The following COL17A1 variants were observed in gnomAD, a reference collection of about 807,000 sequenced individuals.
COL17A1 encodes the protein collagen alpha-1(XVII) chain.
Under a neutral mutation model 218.4 loss-of-function variants are expected in COL17A1, and 181 were observed. The observed-to-expected ratio is 0.83, with a 90% CI of 0.73 to 0.94. The LOEUF (loss-of-function observed/expected upper bound fraction) is 0.94. Among genes scored for constraint, COL17A1 ranks in the 40% least tolerant of loss-of-function variants. The pLI, the probability that COL17A1 is intolerant of heterozygous loss-of-function variation, is 0.00. For missense variants in COL17A1, 1,924 were observed against 1,945.9 expected, an observed-to-expected ratio of 0.99 and a Z score of 0.21; for synonymous variants, 721 against 731.0, an observed-to-expected ratio of 0.99 and a Z score of 0.22.
intron 26 of COL17A1, 35 bp from the exon 27 acceptor site, chr10:104,050,691 C>A: frequency 6.2e-7 from 1 of 1,614,110 alleles, no homozygotes; most frequent in East Asian, 2.2e-5. Context: ...TGTAAAATGC[C>A]CTACAAGGGA....
In COL17A1 at chr10:104,037,029, C is replaced by G. The variant is rs752971345; in HGVS notation, c.3277+16G>C. On this transcript the variant is annotated intron_variant, in intron 47 of 55. Transcript: ENST00000648076. Reference sequence around the variant, plus strand: ...CAAAGATAGTCCCACCCTCGATCCCCCCACAGGTGACTCACGCTGCAGCAC... The same window carrying G: ...CAAAGATAGTCCCACCCTCGATCCCGCCACAGGTGACTCACGCTGCAGCAC... 1 of 1,598,630 alleles carries G rather than the reference C, an allele frequency of 6.3e-7. No individual in the cohort carries two copies. The highest frequency in any genetic ancestry group is 8.5e-7 in the Non-Finnish European group (1 of 1,173,108).
chr10:104,055,412 A>T lies in COL17A1; in HGVS notation c.1688-11T>A. The T allele has an allele frequency of 6.2e-7, 1 of 1,612,670 alleles. No individual in the cohort carries two copies. The highest frequency in any genetic ancestry group is 8.5e-7 in the Non-Finnish European group (1 of 1,179,806). ...TTCCTCGGAGATTTCCTGCAAGAAA[A>T]AGCAAATCCTGAGTCAGCTTCACAT... On this transcript the variant is annotated splice_polypyrimidine_tract_variant and intron_variant, in intron 18 of 55. Transcript: ENST00000648076.
At chr10:104,039,924 C>T (rs989704255) in intron 41 of COL17A1, 49 bp downstream of exon 41, 12 of 1,612,848 alleles carry the variant, frequency 7.4e-6, no homozygotes, top group Non-Finnish European at 1.0e-5. Flanking sequence ...TGAGCTTTTG[C>T]CATCCCCACC....
intron 43 of COL17A1, 40 bp from the exon 44 acceptor site, chr10:104,039,161 G>A (rs1180232396): frequency 6.2e-7 from 1 of 1,607,488 alleles, no homozygotes; most frequent in South Asian, 1.1e-5. Flanking sequence ...CCTCCTCCAG[G>A]AAGCCTTCCC....
Position 104,040,388 on chromosome 10 carries a change from T to G in COL17A1, c.2724A>C (p.Pro908=). The G allele has an allele frequency of 6.2e-7, 1 of 1,611,546 alleles. No homozygotes were observed. Among genetic ancestry groups the G allele is most frequent in the South Asian group, 1.1e-5 (1 of 91,014 alleles). Residue 908 remains proline (P), a synonymous_variant, in exon 40 of 56, where the codon CCA becomes CCC. Transcript: ENST00000648076. Reference sequence around the variant, plus strand: ...TGGGACCTGGGGGGCCAGGTGGGCCTGGGGGGCCGGAGAGGAAGGTTTCTG... The same window carrying G: ...TGGGACCTGGGGGGCCAGGTGGGCCGGGGGGGCCGGAGAGGAAGGTTTCTG... The part of the protein sequence containing the change: ...SNSETFLSGP[P]GPPGPPGPKG...
rs79019201 is a variant in COL17A1, at chr10:104,035,030, C to G, written c.3619+233G>C. Reference sequence around the variant, plus strand: ...CCTCCAGTCACTGAGAGGTGGAGCCCCAGGTCGGCCCTAATCACACACCGG... The same window carrying G: ...CCTCCAGTCACTGAGAGGTGGAGCCGCAGGTCGGCCCTAATCACACACCGG... On this transcript the variant is annotated intron_variant, in intron 50 of 55. Transcript: ENST00000648076. 0.051 allele frequency among the ~76,000 whole-genome samples: 7,811 copies of G among 152,242 alleles called. 294 individuals are homozygous for G. Among genetic ancestry groups the G allele is most frequent in the East Asian group, 0.1 (530 of 5,156 alleles).
intron 25 of COL17A1, 74 bp downstream of exon 25, chr10:104,051,407 T>C (rs2086467500): frequency 6.4e-7 from 1 of 1,564,570 alleles, no homozygotes; most frequent in African/African-American, 1.4e-5. Context: ...GCTTTAAAAA[T>C]ATTTGGTTTT....
At chr10:104,072,107 T>A in intron 7 of COL17A1, 28 bp from the exon 8 acceptor site, 1 of 1,613,884 alleles carries the variant, frequency 6.2e-7, no homozygotes, top group Non-Finnish European at 8.5e-7. Flanking sequence ...TAGAGAAGGG[T>A]GTGAATGAAG....
At position 104,064,496 on chromosome 10, in the gene COL17A1, G is replaced by T. The variant is rs761011735; in HGVS notation, c.708C>A (p.Asn236Lys). 5.0e-6 allele frequency: 8 copies of T among 1,614,070 alleles called. No individual in the cohort carries two copies. The African/African-American group carries it at 1.1e-4, about 22-fold the overall frequency. ...GGGATGAGCTCTGGGTTGTCATGTT[G>T]TTGTGATAGGTCCCCATGGAGGACC... Reference protein sequence around the residue: ...PAGSSMGTYHNNMTTQSSSLL... With the variant: ...PAGSSMGTYHKNMTTQSSSLL... The change falls in exon 10 of 56, where the codon AAC becomes AAA. Residue 236 changes from asparagine to lysine, a missense_variant. Asn to Lys is a moderately conservative substitution (Grantham distance 94). Transcript: ENST00000648076.
At chr10:104,036,131 T>TGGG (rs1564671411) in intron 48 of COL17A1, among the ~76,000 whole-genome samples, 108 of 572 alleles carry the variant, frequency 0.19, 39 homozygotes, top group South Asian at 0.39. Flanking sequence ...AGTGTGTGTA[T>TGGG]ATGTGTGTGT....
At position 104,032,319 on chromosome 10, in the gene COL17A1, A is replaced by G. The variant is rs805688; in HGVS notation, c.4439-29T>C. ...AAAGTTAGAAGATCAGTAGGAAGTT[A>G]AAACATATCTTGTGGCCTGTGGGGA... On this transcript the variant is annotated intron_variant, in intron 55 of 55. Coordinates refer to ENST00000648076, the MANE Select transcript of COL17A1 (RefSeq NM_000494.4). 0.21 allele frequency: 335,293 copies of G among 1,601,272 alleles called. 37,305 individuals are homozygous for G. Among genetic ancestry groups the G allele is most frequent in the African/African-American group, 0.4 (29,639 of 74,720 alleles).
intron 38 of COL17A1, 78 bp downstream of exon 38, chr10:104,041,225 G>A (rs2086356232): frequency 1.3e-6 from 2 of 1,595,656 alleles, no homozygotes; most frequent in Non-Finnish European, 1.7e-6. Flanking sequence ...CAGCCCAGAG[G>A]GCCCTGGGCT....
At chr10:104,071,273 C>T (rs991434479) in intron 8 of COL17A1, among the ~76,000 whole-genome samples, 4 of 152,108 alleles carry the variant, frequency 2.6e-5, no homozygotes, top group African/African-American at 4.8e-5. Flanking sequence ...CTTCGCCTCA[C>T]CACCCCTAAG....
rs774672678 is a variant in COL17A1, at chr10:104,074,209, A to G, written c.354T>C (p.Ser118=). The G allele has an allele frequency of 6.2e-7, 1 of 1,614,196 alleles. No homozygotes were observed. Among genetic ancestry groups the G allele is most frequent in the South Asian group, 1.1e-5 (1 of 91,082 alleles). ...AYEGSSSGNS[S]PEYPRKEFAS... ...CAAATTCCTTCCGAGGGTACTCCGG[A>G]GAAGAGTTGCCACTGGAGCTCCCTG... The change falls in exon 6 of 56, where the codon TCT becomes TCC. Residue 118 remains serine, a synonymous_variant. Transcript: ENST00000648076.
intron 12 of COL17A1, 142 bp from the exon 13 acceptor site, chr10:104,061,615 C>A: frequency 1.4e-6 from 1 of 719,028 alleles, no homozygotes; most frequent in Non-Finnish European, 2.5e-6. Context: ...GCCATGGGGA[C>A]AGTAATGAGG....
Position 104,043,568 on chromosome 10 carries a change from C to T in COL17A1, c.2448G>A (p.Met816Ile), listed in dbSNP as rs764091949. The change falls in exon 35 of 56, where the codon ATG (methionine) becomes ATA (isoleucine). Residue 816 changes from methionine to isoleucine, a missense_variant. Physicochemically the swap from Met to Ile is conservative, Grantham distance 10. Transcript: ENST00000648076. ...GTCCTGGGGGGCCTGGGACAGTGAG[C>T]ATCGATGACCCCTCTGAAAACAGAA... Reference protein sequence around the residue: ...GKIVTSEGSSMLTVPGPPGPP... With the variant: ...GKIVTSEGSSILTVPGPPGPP... 3 of 1,613,822 alleles carry T rather than the reference C, an allele frequency of 1.9e-6. No individual in the cohort carries two copies. The highest frequency in any genetic ancestry group is 2.5e-6 in the Non-Finnish European group (3 of 1,180,004).
At chr10:104,036,765 C>G in intron 47 of COL17A1, 133 bp from the exon 48 acceptor site, 1 of 1,153,644 alleles carries the variant, frequency 8.7e-7, no homozygotes, top group Non-Finnish European at 1.3e-6. Context: ...TCCGCAGGAC[C>G]ACGGTGTTCA....
intron 30 of COL17A1, 57 bp from the exon 31 acceptor site, chr10:104,047,867 A>G: frequency 1.3e-6 from 2 of 1,492,750 alleles, no homozygotes; most frequent in Non-Finnish European, 1.9e-6. Flanking sequence ...TAAACTGGTT[A>G]TCACATCTGA....
In COL17A1 at chr10:104,034,047, C is replaced by T. The variant is rs781359904; in HGVS notation, c.4054G>A (p.Glu1352Lys). The T allele has an allele frequency of 1.9e-6, 3 of 1,614,168 alleles. No individual in the cohort carries two copies. The South Asian group carries it at 3.3e-5, about 18-fold the overall frequency. Residue 1352 changes from glutamate to lysine, a missense_variant, in exon 52 of 56, where the codon GAA becomes AAA. Physicochemically the swap from Glu to Lys is moderately conservative, Grantham distance 56. Transcript: ENST00000648076. ...CCATTGCCAGCATACATGCCGCCTT[C>T]TGCTGCTGCCCCATAGCCTCCGCCT... is the stretch of plus-strand genomic sequence containing the variant. ...GPGGGYGAAA[E>K]GGMYAGNGGL...
Sources: allele counts gnomAD v4.1 joint callset (sites outside exome capture counted in the v4.1 genomes callset), GRCh38; gene constraint gnomAD v4.1.1; transcripts MANE v1.5; gene names NCBI Gene and HGNC (gene_info 2026-07-23, HGNC 2026-07-21).